GRM4: variants seen among roughly 807,000 people sequenced by gnomAD.
The protein encoded by GRM4 is metabotropic glutamate receptor 4.
Under a neutral mutation model 81.7 loss-of-function variants are expected in GRM4, and 28 were observed. The ratio of observed to expected loss-of-function variants is 0.34; its 90% CI spans 0.25 to 0.47. GRM4 has a LOEUF of 0.47. Ranked by LOEUF, GRM4 falls within the 20% of genes least tolerant of loss-of-function variation. The probability of loss-of-function intolerance (pLI) is 1.00; values close to 1 mark genes in which losing one functional copy is unlikely to be tolerated. For synonymous variants in GRM4, 488 were observed against 528.8 expected (o/e 0.92, Z 1.06); for missense variants, 948 against 1,290.0 (o/e 0.73, Z 4.06).
At position 34,115,656 on chromosome 6, in the gene GRM4, G is replaced by A. The variant is rs1239579839; in HGVS notation, c.519+17322C>T. 1.3e-5 allele frequency among the ~76,000 whole-genome samples: 2 copies of A among 152,200 alleles called. No homozygotes were observed. The highest frequency in any genetic ancestry group is 1.3e-4 in the Admixed American group (2 of 15,282). Reference sequence around the variant, plus strand: ...TTTCTAGCTTCCCAAAGGGGCCCTGGGACAAGCCTTGCTGGGTTTTGGGCC... The same window carrying A: ...TTTCTAGCTTCCCAAAGGGGCCCTGAGACAAGCCTTGCTGGGTTTTGGGCC... On this transcript the variant is annotated intron_variant, in intron 2 of 10. Coordinates refer to ENST00000538487, the MANE Select transcript of GRM4 (RefSeq NM_000841.4). This position sits in a 1 kb window ranked among gnomAD's most constrained non-coding sequence, Gnocchi z 4.1.
chr6:34,135,323 A>G (rs770269672), intron 1 of GRM4, among the ~76,000 whole-genome samples: 2 of 152,072 alleles, frequency 1.3e-5, no homozygotes, highest in African/African-American at 2.4e-5. Context: ...CCCTCATTTC[A>G]CATTTCACCC....
intron 2 of GRM4, among the ~76,000 whole-genome samples, chr6:34,118,476 G>A (rs1230383497): frequency 6.6e-6 from 1 of 152,210 alleles, no homozygotes; most frequent in East Asian, 1.9e-4. Flanking sequence ...AACTGGCTGA[G>A]GTGGCCCCCC....
At chr6:34,087,704 C>T (rs550459630) in intron 3 of GRM4, among the ~76,000 whole-genome samples, 2 of 143,050 alleles carry the variant, frequency 1.4e-5, no homozygotes, top group South Asian at 4.5e-4. Flanking sequence ...ACACAACCCC[C>T]CCCCCACACA....
At chr6:34,072,876 C>G (rs1332306363) in intron 3 of GRM4, among the ~76,000 whole-genome samples, 3 of 71,144 alleles carry the variant, frequency 4.2e-5, no homozygotes, top group Admixed American at 1.5e-4. Flanking sequence ...CAGATGCACA[C>G]CCACACATCA....
At chr6:34,142,826 G>A (rs1344971832) in intron 1 of GRM4, among the ~76,000 whole-genome samples, 1 of 152,214 alleles carries the variant, frequency 6.6e-6, no homozygotes, top group Non-Finnish European at 1.5e-5. Context: ...GAGGGAGGAG[G>A]GGGGGAGGAG....
At chr6:34,030,736 G>C (rs971112973) in intron 9 of GRM4, among the ~76,000 whole-genome samples, 1 of 152,190 alleles carries the variant, frequency 6.6e-6, no homozygotes, top group Non-Finnish European at 1.5e-5. Context: ...TGTGCTGGGC[G>C]CTGAAAATTA....
At chr6:34,141,485 T>C (rs2127516779) in intron 1 of GRM4, among the ~76,000 whole-genome samples, 2 of 152,344 alleles carry the variant, frequency 1.3e-5, no homozygotes, top group Non-Finnish European at 2.9e-5. Context: ...TTATTTAATA[T>C]ACGTGTGTAC....
intron 2 of GRM4, among the ~76,000 whole-genome samples, chr6:34,116,458 TG>T (rs1258024961): frequency 6.6e-6 from 1 of 152,188 alleles, no homozygotes; most frequent in African/African-American, 2.4e-5. Flanking sequence ...CAACCTTGCC[TG>T]GTAGAGCTGA....
rs1768065340 is a variant in GRM4, at chr6:34,089,182, CCTCCCCACCA to C, written c.736+2691_736+2700del. 6.6e-6 allele frequency among the ~76,000 whole-genome samples: 1 copy of C among 152,140 alleles called. No homozygotes were observed. The highest frequency in any genetic ancestry group is 1.5e-5 in the Non-Finnish European group (1 of 68,024). On this transcript the variant is annotated intron_variant, in intron 3 of 10. Transcript: ENST00000538487. This position sits in a 1 kb window ranked among gnomAD's most constrained non-coding sequence, Gnocchi z 4.3. The stretch of plus-strand genomic sequence containing the variant: ...ATGCATCCCAGCCTGGCCAGCATGC[CCTCCCCACCA>C]CTCCCCTCTCTGGTGCTCCTCTGAG...
intron 5 of GRM4, 37 bp from the exon 6 acceptor site, chr6:34,056,721 T>G (rs781386595): frequency 6.3e-7 from 1 of 1,599,026 alleles, no homozygotes; most frequent in East Asian, 2.3e-5. Context: ...CTCACTGGCC[T>G]TCTTCCCCAC....
At chr6:34,045,847 G>A (rs1283193758) in intron 6 of GRM4, among the ~76,000 whole-genome samples, 1 of 151,996 alleles carries the variant, frequency 6.6e-6, no homozygotes, top group Non-Finnish European at 1.5e-5. Flanking sequence ...GGCAGTGACA[G>A]TAGCAACAGT....
intron 2 of GRM4, among the ~76,000 whole-genome samples, chr6:34,119,797 G>A (rs2127503200): frequency 6.6e-6 from 1 of 152,338 alleles, no homozygotes; most frequent in East Asian, 1.9e-4. Flanking sequence ...CCCTGGAAAT[G>A]CTGCCAGGTG....
Position 34,133,840 on chromosome 6 carries a change from A to G in GRM4, c.-344T>C. The G allele has an allele frequency of 9.2e-7, 1 of 1,091,990 alleles. No individual in the cohort carries two copies. 67.6% of individuals were successfully genotyped at this position (1,091,990 alleles called of 1,614,324 possible). ...TTGGCATCAAGGAGAAAACAGCTCC[A>G]ATCCTCTCCTCCTACCAACCTTAGA... On this transcript the variant is annotated 5_prime_UTR_variant, in exon 2 of 11. Transcript: ENST00000538487. This position sits in a 1 kb window ranked among gnomAD's most constrained non-coding sequence, Gnocchi z 6.5.
intron 2 of GRM4, among the ~76,000 whole-genome samples, chr6:34,099,643 G>C (rs1768727251): frequency 6.6e-6 from 1 of 152,160 alleles, no homozygotes; most frequent in East Asian, 1.9e-4. Flanking sequence ...GGAGCAGAAG[G>C]TTAGAGTGAC....
chr6:34,024,348 T>A (rs1161371787), intron 10 of GRM4: 1 of 239,908 alleles, frequency 4.2e-6, no homozygotes, highest in African/African-American at 2.2e-5. Context: ...ACCATTGAGG[T>A]CATCTAGCCT....
At chr6:34,098,548 C>T (rs577017682) in intron 2 of GRM4, among the ~76,000 whole-genome samples, 38 of 152,232 alleles carry the variant, frequency 2.5e-4, no homozygotes, top group Non-Finnish European at 4.8e-4. Flanking sequence ...ACCTGCCTGG[C>T]GCAGCCCCTA....
chr6:34,029,192 G>A (rs1371976017), intron 9 of GRM4, among the ~76,000 whole-genome samples: 1 of 152,174 alleles, frequency 6.6e-6, no homozygotes, highest in Non-Finnish European at 1.5e-5. Flanking sequence ...GGGACCAAAG[G>A]AGACCCAGGC....
intron 2 of GRM4, among the ~76,000 whole-genome samples, chr6:34,110,424 C>T (rs973376750): frequency 9.9e-5 from 15 of 152,082 alleles, no homozygotes; most frequent in African/African-American, 3.4e-4. Flanking sequence ...TTACCAGCCC[C>T]CCTCCCCCAC....
intron 2 of GRM4, chr6:34,103,440 T>G (rs1440138064): frequency 1.5e-6 from 1 of 675,466 alleles, no homozygotes; most frequent in Non-Finnish European, 2.6e-6. Flanking sequence ...GGCGGCTCGA[T>G]GCAGGCTCAG....
Sources: allele counts gnomAD v4.1 joint callset (sites outside exome capture counted in the v4.1 genomes callset), GRCh38; gene constraint gnomAD v4.1.1; non-coding constraint Gnocchi (gnomAD v3.1); transcripts MANE v1.5; gene names NCBI Gene and HGNC (gene_info 2026-07-23, HGNC 2026-07-21).